Variants in KPNB1 observed in about 807,000 individuals in gnomAD.
KPNB1 encodes karyopherin subunit beta 1, also known as importin subunit beta-1.
A neutral mutation model predicts 113.0 loss-of-function variants in KPNB1; 7 were observed. That is an observed-to-expected ratio of 0.06 (90% CI 0.04 to 0.12). The LOEUF is 0.12. Ranked by LOEUF, KPNB1 falls within the 10% of genes least tolerant of loss-of-function variation. KPNB1 has a pLI of 1.00. For missense variants in KPNB1, 400 were observed against 1,054.8 expected (o/e 0.38, Z 8.60); for synonymous variants, 363 against 378.6 (o/e 0.96, Z 0.48).
In KPNB1 at chr17:47,654,415, T is replaced by TAA. The variant is rs374274253; in HGVS notation, c.282+1560_282+1561dup. Among the ~76,000 whole-genome samples, 873 of 119,842 alleles carry TAA rather than the reference T, an allele frequency of 7.3e-3. 4 individuals carry two copies. Among genetic ancestry groups the TAA allele is most frequent in the East Asian group, 0.02 (87 of 4,322 alleles). The allele number at this position is 119,842 out of a possible 152,430, so 78.6% of individuals were successfully genotyped here. On this transcript the variant is annotated intron_variant, in intron 3 of 21. Coordinates refer to ENST00000290158, the MANE Select transcript of KPNB1 (RefSeq NM_002265.6). ...GGTGACAGAGTGACACTCCATTTCTTAAAAAAAAAAAAAAAAAAAAAATTA... is the reference window on the plus strand; with the variant it reads ...GGTGACAGAGTGACACTCCATTTCTTAAAAAAAAAAAAAAAAAAAAAAAATTA...
chr17:47,650,727 G>A (rs1264427827), intron 2 of KPNB1, among the ~76,000 whole-genome samples: 1 of 152,222 alleles, frequency 6.6e-6, no homozygotes, highest in Non-Finnish European at 1.5e-5. Context: ...GCGGGAGGGA[G>A]AAAGAGGGAG....
intron 16 of KPNB1, 144 bp from the exon 17 acceptor site, chr17:47,676,876 A>C: frequency 3.7e-6 from 2 of 534,034 alleles, no homozygotes; most frequent in Non-Finnish European, 6.6e-6. Context: ...CCTGCCTGCC[A>C]TGTTGGTTGT....
rs1420354358 is a variant in KPNB1 at position 47,683,688 on chromosome 17, CTT to C, written c.*1285_*1286del. 6.7e-6 allele frequency: 1 copy of C among 150,236 alleles called. No homozygotes were observed. The highest frequency in any genetic ancestry group is 2.5e-5 in the African/African-American group (1 of 40,464). The allele number at this position is 150,236 out of a possible 1,614,324, so 9.3% of individuals were successfully genotyped here. A position where few individuals can be genotyped will look rare whatever the true frequency, so the allele number is the denominator to read the frequency against. On this transcript the variant is annotated 3_prime_UTR_variant, in exon 22 of 22. Coordinates refer to ENST00000290158, the MANE Select transcript of KPNB1 (RefSeq NM_002265.6). ...ATTGACTACAATGCGGTATTGGTCT[CTT>C]GCTGCACTTCAAAAGCAACCAACAA...
Position 47,661,113 on chromosome 17 carries a change from C to T in KPNB1, c.637-6C>T. The T allele has an allele frequency of 6.2e-7, 1 of 1,608,326 alleles. No individual in the cohort carries two copies. The highest frequency in any genetic ancestry group is 8.5e-7 in the Non-Finnish European group (1 of 1,174,746). On this transcript the variant is annotated splice_polypyrimidine_tract_variant and splice_region_variant and intron_variant, in intron 5 of 21. Coordinates refer to ENST00000290158, the MANE Select transcript of KPNB1 (RefSeq NM_002265.6). ...CTAATTCTCTTTATTTTTATTCCTC[C>T]TACAGTCTGAAAGGCACTTTATTAT...
At chr17:47,675,700 A>G (rs551562749) in intron 15 of KPNB1, among the ~76,000 whole-genome samples, 1 of 152,180 alleles carries the variant, frequency 6.6e-6, no homozygotes, top group South Asian at 2.1e-4. Flanking sequence ...CTGACTGCAA[A>G]ATTGGTTTGG....
intron 21 of KPNB1, among the ~76,000 whole-genome samples, chr17:47,681,051 TTTTTTG>T (rs1417884321): frequency 1.9e-5 from 2 of 106,098 alleles, no homozygotes; most frequent in Admixed American, 2.0e-4. Flanking sequence ...AGTCAAATGT[TTTTTTG>T]TGTGTGTGTG....
At chr17:47,675,167 GGTC>G (rs2030558365) in intron 15 of KPNB1, among the ~76,000 whole-genome samples, 1 of 151,742 alleles carries the variant, frequency 6.6e-6, no homozygotes, top group Non-Finnish European at 1.5e-5. Flanking sequence ...TGCTCAGGCT[GGTC>G]TCAAACTCCT....
intron 5 of KPNB1, among the ~76,000 whole-genome samples, chr17:47,659,362 T>TA (rs1231544890): frequency 6.6e-6 from 1 of 151,650 alleles, no homozygotes; most frequent in Non-Finnish European, 1.5e-5. Flanking sequence ...AAATAAAAAA[T>TA]AAAAAAAATA....
rs2030893404 is a variant in KPNB1, at chr17:47,684,752, A to AG, written c.*2349dup. 1 of 152,632 alleles carries AG rather than the reference A, an allele frequency of 6.6e-6. No homozygotes were observed. The highest frequency in any genetic ancestry group is 2.1e-4 in the South Asian group (1 of 4,826). The allele number at this position is 152,632 out of a possible 1,614,324, so 9.5% of individuals were successfully genotyped here. Reference sequence around the variant, plus strand: ...CTAATGCTTTCTCCCAGATCCATTCAGTGGTGGAGAGGAGGAAAATGGGCT... The same window carrying AG: ...CTAATGCTTTCTCCCAGATCCATTCAGGTGGTGGAGAGGAGGAAAATGGGCT... On this transcript the variant is annotated 3_prime_UTR_variant, in exon 22 of 22. Coordinates refer to ENST00000290158, the MANE Select transcript of KPNB1 (RefSeq NM_002265.6).
At chr17:47,654,004 A>C (rs1468981219) in intron 3 of KPNB1, among the ~76,000 whole-genome samples, 1 of 152,196 alleles carries the variant, frequency 6.6e-6, no homozygotes, top group African/African-American at 2.4e-5. Flanking sequence ...GATAGTGCCC[A>C]TTCAGTTTCT....
At chr17:47,665,899 TTTC>T (rs2030252280) in intron 9 of KPNB1, among the ~76,000 whole-genome samples, 1 of 152,244 alleles carries the variant, frequency 6.6e-6, no homozygotes, top group African/African-American at 2.4e-5. Context: ...CATTGCATCA[TTTC>T]TTTGTACACA....
intron 19 of KPNB1, 155 bp downstream of exon 19, chr17:47,678,568 T>G (rs2030679286): frequency 3.2e-6 from 2 of 616,382 alleles, no homozygotes; most frequent in Non-Finnish European, 5.8e-6. Flanking sequence ...AGAGAGTGGC[T>G]TGGGGAAAAC....
rs372705173 is a variant in KPNB1 at position 47,673,513 on chromosome 17, T to C, written c.1719T>C (p.Asp573=). 3 of 1,613,620 alleles carry C rather than the reference T, an allele frequency of 1.9e-6. No homozygotes were observed. The African/African-American group carries it at 4.0e-5, about 22-fold the overall frequency. ...QMESHIQSTS[D]RIQFNDLQSL... is the part of the protein sequence containing the mutation. Reference sequence around the variant, plus strand: ...AGTCACATATCCAGAGCACATCCGATAGAATCCAGTTCAATGACCTTCAGT... The same window carrying C: ...AGTCACATATCCAGAGCACATCCGACAGAATCCAGTTCAATGACCTTCAGT... Residue 573 remains aspartate (D), a synonymous_variant, in exon 14 of 22, where the codon GAT becomes GAC. Transcript: ENST00000290158.
At chr17:47,670,550 TA>T in intron 11 of KPNB1, 151 bp from the exon 12 acceptor site, 1 of 616,670 alleles carries the variant, frequency 1.6e-6, no homozygotes, top group Non-Finnish European at 2.8e-6. Context: ...ATAGTTAGTT[TA>T]AAAGATACCT....
chr17:47,674,785 C>T lies in KPNB1; in HGVS notation c.1912+3C>T, dbSNP rs200470441. 1.5e-4 allele frequency: 237 copies of T among 1,605,770 alleles called. 2 individuals are homozygous for T. Among genetic ancestry groups the T allele is most frequent in the East Asian group, 1.4e-3 (62 of 44,752 alleles). On this transcript the variant is annotated splice_donor_region_variant and intron_variant, in intron 15 of 21. Transcript: ENST00000290158. ...GGCAGTTAGCACACTGGTGGAAGGTCGGTGAGAAATACTGTCTGGTCAGGG... is the reference window on the plus strand; with the variant it reads ...GGCAGTTAGCACACTGGTGGAAGGTTGGTGAGAAATACTGTCTGGTCAGGG...
chr17:47,661,943 A>G (rs77525238), intron 6 of KPNB1, among the ~76,000 whole-genome samples: 2 of 152,184 alleles, frequency 1.3e-5, no homozygotes, highest in Admixed American at 1.3e-4. Flanking sequence ...TTGCTACTTT[A>G]TTGCCATAGG....
At position 47,658,509 on chromosome 17, in the gene KPNB1, A is replaced by G; in HGVS notation, c.485A>G (p.Asp162Gly). The G allele has an allele frequency of 6.2e-7, 1 of 1,612,452 alleles. No homozygotes were observed. Among genetic ancestry groups the G allele is most frequent in the Non-Finnish European group, 8.5e-7 (1 of 1,179,948 alleles). Residue 162 changes from aspartate to glycine, a missense_variant and splice_region_variant, in exon 5 of 22, where the codon GAC (aspartate) becomes GGC (glycine). By Grantham distance (94) the Asp-to-Gly change is moderately conservative (BLOSUM62 -1). Coordinates refer to ENST00000290158, the MANE Select transcript of KPNB1 (RefSeq NM_002265.6). ...EAIGYICQDI[D>G]PEQLQDKSNE... Reference sequence around the variant, plus strand: ...ATTGCACTTCTCTGCTTGTTACAGGACCCAGAGCAGCTACAAGATAAATCC... The same window carrying G: ...ATTGCACTTCTCTGCTTGTTACAGGGCCCAGAGCAGCTACAAGATAAATCC...
Position 47,682,680 on chromosome 17 carries a change from T to TA in KPNB1, c.*285dup, listed in dbSNP as rs1434076303. On this transcript the variant is annotated 3_prime_UTR_variant, in exon 22 of 22. Coordinates refer to ENST00000290158, the MANE Select transcript of KPNB1 (RefSeq NM_002265.6). Reference sequence around the variant, plus strand: ...GAGAAAAACAATGGAGTTACTTATTTAAAAAAAAAGAAAGAAAGTTATCTC... The same window carrying TA: ...GAGAAAAACAATGGAGTTACTTATTTAAAAAAAAAAGAAAGAAAGTTATCTC... 159 of 478,172 alleles carry TA rather than the reference T, an allele frequency of 3.3e-4. No homozygotes were observed. The highest frequency in any genetic ancestry group is 7.4e-4 in the South Asian group (25 of 33,928). 29.6% of individuals were successfully genotyped at this position (478,172 alleles called of 1,614,324 possible). A position where few individuals can be genotyped will look rare whatever the true frequency, so the allele number is the denominator to read the frequency against.
intron 10 of KPNB1, among the ~76,000 whole-genome samples, chr17:47,668,923 T>A (rs1368892480): frequency 2.0e-5 from 3 of 151,562 alleles, no homozygotes; most frequent in Admixed American, 2.0e-4. Flanking sequence ...TTACAAGTCG[T>A]GCCATTGCAC....
Sources: allele counts gnomAD v4.1 joint callset (sites outside exome capture counted in the v4.1 genomes callset), GRCh38; gene constraint gnomAD v4.1.1; transcripts MANE v1.5; gene names NCBI Gene and HGNC (gene_info 2026-07-23, HGNC 2026-07-21).